The following FBRSL1 variants were observed in gnomAD, a reference collection of about 807,000 sequenced individuals.
FBRSL1 encodes fibrosin-1-like protein.
Under a neutral mutation model 89.6 loss-of-function variants are expected in FBRSL1, and 51 were observed. That is an observed-to-expected ratio of 0.57 (90% CI 0.45 to 0.72). FBRSL1 has a LOEUF of 0.72. Ranked by LOEUF, FBRSL1 falls within the 30% of genes least tolerant of loss-of-function variation. The pLI is 0.00. For missense variants in FBRSL1, 1,618 were observed against 1,451.8 expected, an observed-to-expected ratio of 1.11 and a Z score of -1.86; for synonymous variants, 779 against 681.1, an observed-to-expected ratio of 1.14 and a Z score of -2.24.
intron 4 of FBRSL1, among the ~76,000 whole-genome samples, chr12:132,543,517 G>C (rs2037435699): frequency 6.6e-6 from 1 of 152,206 alleles, no homozygotes. Flanking sequence ...GCAGTTTCCT[G>C]TTCTCAGCAG....
At chr12:132,491,827 G>A (rs1172535990) in intron 1 of FBRSL1, among the ~76,000 whole-genome samples, 2 of 152,236 alleles carry the variant, frequency 1.3e-5, no homozygotes, top group African/African-American at 4.8e-5. Flanking sequence ...CAGGGAAGTG[G>A]CCCCAGAACA....
chr12:132,514,820 G>T (rs1321655905), intron 2 of FBRSL1, among the ~76,000 whole-genome samples: 1 of 152,170 alleles, frequency 6.6e-6, no homozygotes, highest in Non-Finnish European at 1.5e-5. Flanking sequence ...GAGTTAAGAA[G>T]AAATAAGTAA....
At chr12:132,543,907 G>A (rs895322960) in intron 4 of FBRSL1, among the ~76,000 whole-genome samples, 2 of 152,328 alleles carry the variant, frequency 1.3e-5, no homozygotes, top group African/African-American at 4.8e-5. Context: ...TGGGGGAGCT[G>A]AGCTGCGGGC....
Position 132,574,486 on chromosome 12 carries a change from G to A in FBRSL1, c.1630-7G>A. The A allele has an allele frequency of 1.3e-6, 2 of 1,550,028 alleles. No individual in the cohort carries two copies. Among genetic ancestry groups the A allele is most frequent in the Non-Finnish European group, 1.7e-6 (2 of 1,146,710 alleles). ...CAGCCCCACTGAGCGCTTCCATCCT[G>A]TCGCAGAAGCCGGGGAGGTGGTGTG... On this transcript the variant is annotated splice_region_variant and splice_polypyrimidine_tract_variant and intron_variant, in intron 13 of 18. Coordinates refer to ENST00000680143, the MANE Select transcript of FBRSL1 (RefSeq NM_001367871.1).
chr12:132,580,081 GTATTT>G lies in FBRSL1; in HGVS notation c.1835-1350_1835-1346del, dbSNP rs552603357. On this transcript the variant is annotated intron_variant, in intron 15 of 18. Coordinates refer to ENST00000680143, the MANE Select transcript of FBRSL1 (RefSeq NM_001367871.1). The stretch of plus-strand genomic sequence containing the variant: ...CACCAGAAGTTTGTCCATTTCACCA[GTATTT>G]TATTTTAATTTATTTATTTTGAGAC... 7.1e-3 allele frequency among the ~76,000 whole-genome samples: 1,081 copies of G among 152,158 alleles called. 7 individuals carry two copies. Among genetic ancestry groups the G allele is most frequent in the African/African-American group, 0.022 (914 of 41,504 alleles).
At chr12:132,540,440 C>CGGCCACCTACCCACCCTGGCCCG (rs796794441) in intron 4 of FBRSL1, among the ~76,000 whole-genome samples, 5 of 150,656 alleles carry the variant, frequency 3.3e-5, no homozygotes, top group African/African-American at 1.2e-4. Flanking sequence ...CAGCTGGTCC[C>CGGCCACCTACCCACCCTGGCCCG]GGCCACCTAC....
chr12:132,511,574 C>T, intron 2 of FBRSL1: 1 of 985,668 alleles, frequency 1.0e-6, no homozygotes, highest in Non-Finnish European at 1.2e-6. Flanking sequence ...AGGCTCTAAC[C>T]AGTGGTCCTC....
chr12:132,570,977 C>T lies in FBRSL1; in HGVS notation c.1214-91C>T, dbSNP rs546390772. 1.6e-5 allele frequency: 14 copies of T among 876,246 alleles called. No individual in the cohort carries two copies. The East Asian group carries it at 1.1e-3, about 68-fold the overall frequency. 54.3% of individuals were successfully genotyped at this position (876,246 alleles called of 1,614,324 possible). On this transcript the variant is annotated intron_variant, in intron 8 of 18. Coordinates refer to ENST00000680143, the MANE Select transcript of FBRSL1 (RefSeq NM_001367871.1). ...GCCCGGCCCAGGCTGGGGACGGCCC[C>T]GTGTCCCGGGATGGGACCAGGATGC...
chr12:132,583,495 A>T lies in FBRSL1; in HGVS notation c.2726A>T (p.His909Leu). ...RGELERARAP[H>L]LPPAAPALDG... ...GAGCTGGAGCGCGCGCGGGCCCCGC[A>T]CCTGCCGCCCGCCGCCCCCGCCTTG... The change falls in exon 19 of 19, where the codon CAC becomes CTC. Residue 909 changes from histidine (H) to leucine (L), a missense_variant. His to Leu is a moderately conservative substitution (Grantham distance 99, BLOSUM62 -3). Coordinates refer to ENST00000680143, the MANE Select transcript of FBRSL1 (RefSeq NM_001367871.1). 2.9e-6 allele frequency: 3 copies of T among 1,044,040 alleles called. No individual in the cohort carries two copies. The highest frequency in any genetic ancestry group is 3.5e-6 in the Non-Finnish European group (3 of 868,248). The allele number at this position is 1,044,040 out of a possible 1,614,324, so 64.7% of individuals were successfully genotyped here. A position where few individuals can be genotyped will look rare whatever the true frequency, so the allele number is the denominator to read the frequency against.
chr12:132,574,846 C>G (rs2040276545), intron 14 of FBRSL1, among the ~76,000 whole-genome samples: 1 of 152,102 alleles, frequency 6.6e-6, no homozygotes, highest in South Asian at 2.1e-4. Flanking sequence ...GGGTGCCGCA[C>G]CAGCTCCCCA....
Position 132,584,975 on chromosome 12 carries a change from C to A in FBRSL1, c.*1197C>A. 6.6e-6 allele frequency: 1 copy of A among 152,144 alleles called. No homozygotes were observed. The allele number at this position is 152,144 out of a possible 1,614,324, so 9.4% of individuals were successfully genotyped here. The stretch of plus-strand genomic sequence containing the variant: ...GGTTTTGCCCTCACCCACATGAGCC[C>A]CCCCATGCCCTGCCCCCCTTGCGGC... On this transcript the variant is annotated 3_prime_UTR_variant, in exon 19 of 19. Transcript: ENST00000680143.
At chr12:132,559,998 C>A (rs886849502) in intron 5 of FBRSL1, 2 of 148,098 alleles carry the variant, frequency 1.4e-5, no homozygotes, top group African/African-American at 4.9e-5. Context: ...GGGGCCCGCG[C>A]CGCGCCCGAC....
At chr12:132,533,392 CAGAG>C (rs1208486749) in intron 4 of FBRSL1, among the ~76,000 whole-genome samples, 13 of 136,676 alleles carry the variant, frequency 9.5e-5, no homozygotes, top group African/African-American at 3.3e-4. Flanking sequence ...TCCCTGGAGT[CAGAG>C]AGCCTCAGTC....
Position 132,546,082 on chromosome 12 carries a change from G to A in FBRSL1, c.616-1921G>A, listed in dbSNP as rs1033365589. ...CTCTTCCGGTCCCCTCAGCCCTGGC[G>A]TGTTCTGGCATGTTCCTCCCCTCCC... On this transcript the variant is annotated intron_variant, in intron 4 of 18. Transcript: ENST00000680143. This position sits in a 1 kb window ranked among gnomAD's most constrained non-coding sequence, Gnocchi z 4.0. 6.6e-6 allele frequency among the ~76,000 whole-genome samples: 1 copy of A among 152,238 alleles called. No individual in the cohort carries two copies. The highest frequency in any genetic ancestry group is 1.5e-5 in the Non-Finnish European group (1 of 68,048).
rs1274076342 is a variant in FBRSL1 at position 132,583,431 on chromosome 12, C to T, written c.2662C>T (p.Arg888Cys). 3 of 1,073,760 alleles carry T rather than the reference C, an allele frequency of 2.8e-6. No homozygotes were observed. The highest frequency in any genetic ancestry group is 5.7e-5 in the Admixed American group (1 of 17,652). The allele number at this position is 1,073,760 out of a possible 1,614,324, so 66.5% of individuals were successfully genotyped here. Residue 888 changes from arginine (R) to cysteine (C), a missense_variant, in exon 19 of 19, where the codon CGC (arginine) becomes TGC (cysteine). Transcript: ENST00000680143. Reference protein sequence around the residue: ...LEPPERPYRDREPHGYSPERL... With the variant: ...LEPPERPYRDCEPHGYSPERL... ...GCCCCCGGAGCGCCCCTACCGCGAC[C>T]GCGAGCCCCACGGCTACAGCCCCGA...
At chr12:132,494,156 A>T (rs926835494) in intron 1 of FBRSL1, among the ~76,000 whole-genome samples, 1 of 152,088 alleles carries the variant, frequency 6.6e-6, no homozygotes. Context: ...TCTTGTTCTG[A>T]CCGGGAACTC....
intron 2 of FBRSL1, chr12:132,510,448 G>C: frequency 8.1e-7 from 1 of 1,232,086 alleles, no homozygotes. Flanking sequence ...GGAGCCTGAT[G>C]CCTGCAGGCA....
chr12:132,496,422 T>C (rs1165041885), intron 1 of FBRSL1, among the ~76,000 whole-genome samples: 1 of 152,132 alleles, frequency 6.6e-6, no homozygotes, highest in Non-Finnish European at 1.5e-5. Flanking sequence ...CCGTGTTGCG[T>C]ATTTACCCGG....
At chr12:132,566,319 A>G (rs574865284) in intron 5 of FBRSL1, 1 of 151,498 alleles carries the variant, frequency 6.6e-6, no homozygotes, top group Non-Finnish European at 1.5e-5. Context: ...CCACCTCCTG[A>G]TCCCATCACC....
Sources: gnomAD v4.1 joint callset for allele counts (sites outside exome capture counted in the v4.1 genomes callset) on GRCh38, gnomAD v4.1.1 for gene constraint, Gnocchi (gnomAD v3.1) non-coding constraint, MANE v1.5 for transcripts, NCBI Gene and HGNC (gene_info 2026-07-23, HGNC 2026-07-21) for gene names.